CYP3A43: variants seen among roughly 807,000 people sequenced by gnomAD.
The protein encoded by CYP3A43 is cytochrome P450 3A43.
In CYP3A43, 45 loss-of-function variants were observed where a neutral mutation model predicts 58.0. That is an observed-to-expected ratio of 0.78 (90% confidence interval 0.61 to 0.99). CYP3A43 has a LOEUF of 0.99. Among genes scored for constraint, CYP3A43 ranks in the 50% least tolerant of loss-of-function variants. The pLI, the probability that CYP3A43 is intolerant of heterozygous loss-of-function variation, is 0.00. For missense variants in CYP3A43, 593 were observed against 591.9 expected (o/e 1.00, Z -0.02); for synonymous variants, 191 against 201.4 (o/e 0.95, Z 0.44).
At chr7:99,842,345 TC>T (rs1817366266) in intron 3 of CYP3A43, among the ~76,000 whole-genome samples, 1 of 152,202 alleles carries the variant, frequency 6.6e-6, no homozygotes, top group Non-Finnish European at 1.5e-5. Context: ...CTGAGGAACT[TC>T]CCATGCTTAT....
intron 2 of CYP3A43, chr7:99,838,631 T>G: frequency 7.8e-7 from 1 of 1,274,322 alleles, no homozygotes; most frequent in Non-Finnish European, 1.0e-6. Context: ...TGACTTTAAA[T>G]TCTCCATTTC....
intron 7 of CYP3A43, among the ~76,000 whole-genome samples, chr7:99,853,653 G>T (rs1029670442): frequency 2.0e-5 from 3 of 152,054 alleles, no homozygotes; most frequent in Admixed American, 1.3e-4. Flanking sequence ...ACCTCCTGGG[G>T]TCAAGCTATT....
chr7:99,831,892 T>C (rs1816856853), intron 1 of CYP3A43, among the ~76,000 whole-genome samples: 1 of 152,228 alleles, frequency 6.6e-6, no homozygotes, highest in African/African-American at 2.4e-5. Context: ...CTCTGCATAG[T>C]GCCATTCAGA....
In CYP3A43 at chr7:99,865,213, G is replaced by C. The variant is rs1378800265; in HGVS notation, c.1417-693G>C. 8.1e-5 allele frequency among the ~76,000 whole-genome samples: 12 copies of C among 148,334 alleles called. 2 individuals carry two copies. Among genetic ancestry groups the C allele is most frequent in the African/African-American group, 3.2e-4 (12 of 37,880 alleles). ...CACTTTTCAATTTCCATGACAATTT[G>C]CCTGCCCTTCACTTAACTGACATCA... On this transcript the variant is annotated intron_variant, in intron 12 of 12. Transcript: ENST00000354829.
At chr7:99,845,347 G>C (rs1368340739) in intron 4 of CYP3A43, among the ~76,000 whole-genome samples, 1 of 151,552 alleles carries the variant, frequency 6.6e-6, no homozygotes. Context: ...AATTGAGACA[G>C]AGTCTCGCTC....
chr7:99,848,329 C>A, intron 6 of CYP3A43, 75 bp downstream of exon 6: 5 of 1,474,304 alleles, frequency 3.4e-6, no homozygotes, highest in East Asian at 2.4e-5. Flanking sequence ...GATATTCCCA[C>A]TGTTGGGTTA....
At chr7:99,834,721 C>A (rs1563058876) in intron 1 of CYP3A43, among the ~76,000 whole-genome samples, 1 of 152,282 alleles carries the variant, frequency 6.6e-6, no homozygotes, top group East Asian at 1.9e-4. Context: ...ATACTGTTGC[C>A]CTAGGCAGAT....
At chr7:99,856,791 C>G in intron 8 of CYP3A43, 42 bp from the exon 9 acceptor site, 2 of 1,606,864 alleles carry the variant, frequency 1.2e-6, no homozygotes, top group Non-Finnish European at 1.7e-6. Context: ...TCTGACTTCA[C>G]AAGTGACTTT....
At chr7:99,844,391 A>C in intron 4 of CYP3A43, 149 bp downstream of exon 4, 1 of 724,160 alleles carries the variant, frequency 1.4e-6, no homozygotes, top group Non-Finnish European at 2.3e-6. Flanking sequence ...CTGTAGATAC[A>C]GTGTATTTCT....
chr7:99,849,778 A>G, intron 7 of CYP3A43, 84 bp downstream of exon 7: 1 of 1,302,016 alleles, frequency 7.7e-7, no homozygotes, highest in Non-Finnish European at 1.0e-6. Context: ...CAAAATTCAC[A>G]TACCATATAA....
intron 4 of CYP3A43, among the ~76,000 whole-genome samples, chr7:99,847,097 A>G (rs1362245029): frequency 6.6e-6 from 1 of 152,138 alleles, no homozygotes; most frequent in Non-Finnish European, 1.5e-5. Context: ...GCTCTGAGGC[A>G]ACGTACAATC....
chr7:99,835,017 C>T (rs79990129), intron 1 of CYP3A43, among the ~76,000 whole-genome samples: 6 of 152,074 alleles, frequency 3.9e-5, no homozygotes, highest in African/African-American at 9.7e-5. Flanking sequence ...GCTCGGGCAC[C>T]GGCTGATCAA....
chr7:99,849,040 A>T (rs534591094), intron 6 of CYP3A43, among the ~76,000 whole-genome samples: 4 of 152,354 alleles, frequency 2.6e-5, no homozygotes, highest in African/African-American at 9.6e-5. Context: ...CAGGAGGCTT[A>T]TCAGGGAGTG....
At chr7:99,839,588 A>T (rs959899031) in intron 3 of CYP3A43, among the ~76,000 whole-genome samples, 1 of 152,132 alleles carries the variant, frequency 6.6e-6, no homozygotes, top group Non-Finnish European at 1.5e-5. Flanking sequence ...CTGGGGTAAT[A>T]CCCGAGGTTT....
At position 99,839,162 on chromosome 7, in the gene CYP3A43, G is replaced by C. The variant is rs140932174; in HGVS notation, c.208G>C (p.Glu70Gln). The change falls in exon 3 of 13, where the codon GAA becomes CAA. Residue 70 changes from glutamate (E) to glutamine (Q), a missense_variant. Glu to Gln is a conservative substitution (Grantham distance 29). Transcript: ENST00000354829. The stretch of plus-strand genomic sequence containing the variant: ...CAGAGAATGTAATGAAAAATACGGA[G>C]AAATGTGGGGGTGAGTATTCTGGAA... ...FDRECNEKYG[E>Q]MWGLYEGQQP... is the part of the protein sequence containing the mutation. 6.2e-7 allele frequency: 1 copy of C among 1,614,182 alleles called. No individual in the cohort carries two copies. Among genetic ancestry groups the C allele is most frequent in the Non-Finnish European group, 8.5e-7 (1 of 1,180,028 alleles).
chr7:99,854,716 G>T (rs1817904605), intron 7 of CYP3A43, among the ~76,000 whole-genome samples: 1 of 151,986 alleles, frequency 6.6e-6, no homozygotes, highest in African/African-American at 2.4e-5. Context: ...TCTGAACATT[G>T]CTTTGGCTAC....
chr7:99,830,061 A>G (rs1816781907), intron 1 of CYP3A43, among the ~76,000 whole-genome samples: 1 of 152,204 alleles, frequency 6.6e-6, no homozygotes, highest in Admixed American at 6.5e-5. Flanking sequence ...GGTCTCAGAA[A>G]GTCTTCAGAA....
chr7:99,838,494 G>C (rs1817182593), intron 2 of CYP3A43, among the ~76,000 whole-genome samples: 1 of 152,110 alleles, frequency 6.6e-6, no homozygotes, highest in Admixed American at 6.5e-5. Flanking sequence ...ATAATTCAGG[G>C]GTTTATGAGA....
chr7:99,857,734 T>C (rs1287341515), intron 9 of CYP3A43, among the ~76,000 whole-genome samples: 4 of 151,954 alleles, frequency 2.6e-5, no homozygotes, highest in African/African-American at 9.7e-5. Flanking sequence ...TCCCAGCTAT[T>C]TGGGAGGCTG....
Sources: allele counts gnomAD v4.1 joint callset (sites outside exome capture counted in the v4.1 genomes callset), GRCh38; gene constraint gnomAD v4.1.1; transcripts MANE v1.5; gene names NCBI Gene and HGNC (gene_info 2026-07-23, HGNC 2026-07-21).